BAALC: variants seen among roughly 807,000 people sequenced by gnomAD.
BAALC encodes BAALC binder of MAP3K1 and KLF4.
A neutral mutation model predicts 15.5 loss-of-function variants in BAALC; 9 were observed. The observed-to-expected ratio is 0.58, with a 90% confidence interval of 0.35 to 1.02. The LOEUF is 1.02. Ranked by LOEUF, BAALC falls within the 50% of genes least tolerant of loss-of-function variation. The pLI is 0.02. For synonymous variants in BAALC, 80 were observed against 74.6 expected (o/e 1.07, Z -0.37); for missense variants, 201 against 192.4 (o/e 1.04, Z -0.27).
intron 1 of BAALC, chr8:103,202,857 AG>A (rs1172929644): frequency 4.6e-5 from 7 of 152,292 alleles, no homozygotes; most frequent in Non-Finnish European, 8.8e-5. Context: ...GTTTCAAGGA[AG>A]GGAGGCACCT....
rs1007990813 is a variant in BAALC at position 103,228,308 on chromosome 8, A to G, written c.*209A>G. ...ACTTATCATGTAAATGTATTGGCAC[A>G]GTGCTTACATATGTTAATAAACTGC... On this transcript the variant is annotated 3_prime_UTR_variant, in exon 3 of 3. Transcript: ENST00000309982. The G allele has an allele frequency of 2.3e-5, 12 of 528,102 alleles. No homozygotes were observed. Among genetic ancestry groups the G allele is most frequent in the Non-Finnish European group, 3.0e-5 (9 of 297,516 alleles). The allele number at this position is 528,102 out of a possible 1,614,324, so 32.7% of individuals were successfully genotyped here.
intron 2 of BAALC, 169 bp downstream of exon 2, chr8:103,213,254 A>G: frequency 1.5e-6 from 1 of 679,908 alleles, no homozygotes; most frequent in South Asian, 2.5e-5. Flanking sequence ...CCCCACCCCA[A>G]AACCCTGCCT....
chr8:103,182,684 C>T (rs867009373), intron 1 of BAALC, among the ~76,000 whole-genome samples: 9 of 152,170 alleles, frequency 5.9e-5, no homozygotes, highest in Non-Finnish European at 1.2e-4. Context: ...ATCAAGAAGG[C>T]GCTAACTGAC....
intron 1 of BAALC, among the ~76,000 whole-genome samples, chr8:103,175,887 T>G (rs747176360): frequency 6.6e-6 from 1 of 152,204 alleles, no homozygotes; most frequent in African/African-American, 2.4e-5. Context: ...CTCAATTAAT[T>G]TGTAGAACAG....
At chr8:103,202,875 G>C (rs937888211) in intron 1 of BAALC, 2 of 152,300 alleles carry the variant, frequency 1.3e-5, no homozygotes, top group African/African-American at 4.8e-5. Flanking sequence ...ACCTCTGAGA[G>C]GAGCAAAGGG....
intron 1 of BAALC, among the ~76,000 whole-genome samples, chr8:103,183,896 A>C (rs1811780092): frequency 6.6e-6 from 1 of 152,232 alleles, no homozygotes; most frequent in Non-Finnish European, 1.5e-5. Flanking sequence ...TTGCTACTGC[A>C]ACAAGCTACC....
intron 1 of BAALC, among the ~76,000 whole-genome samples, chr8:103,147,141 C>T (rs1274001447): frequency 6.6e-6 from 1 of 152,210 alleles, no homozygotes; most frequent in Non-Finnish European, 1.5e-5. Context: ...TAACCTCTTT[C>T]CTGAGTCTCA....
rs891450385 is a variant in BAALC at position 103,166,511 on chromosome 8, C to T, written c.160+25454C>T. The stretch of plus-strand genomic sequence containing the variant: ...AGACAACGGGCCTGAGGGCAGAAAC[C>T]GTTTTGTTTTTTTGTTTTTGGAATG... On this transcript the variant is annotated intron_variant, in intron 1 of 2. Transcript: ENST00000309982. 3.3e-5 allele frequency among the ~76,000 whole-genome samples: 5 copies of T among 152,118 alleles called. No homozygotes were observed. The East Asian group carries it at 7.7e-4, about 23-fold the overall frequency.
At position 103,140,960 on chromosome 8, in the gene BAALC, G is replaced by A. The variant is rs1810756760; in HGVS notation, c.63G>A (p.Arg21=). The change falls in exon 1 of 3, where the codon CGG becomes CGA. Residue 21 remains arginine (R), a synonymous_variant. Coordinates refer to ENST00000309982, the MANE Select transcript of BAALC (RefSeq NM_024812.3). The surrounding 1 kb of genome is among the most constrained non-coding windows in gnomAD (Gnocchi z 4.2). ...CCCGCTACTACGAGAGCTGGACCCG[G>A]GAGACAGAATCCACCTGGCTCACCT... ...IEPRYYESWT[R]ETESTWLTYT... The A allele has an allele frequency of 6.5e-7, 1 of 1,541,850 alleles. No homozygotes were observed. Among genetic ancestry groups the A allele is most frequent in the Non-Finnish European group, 8.7e-7 (1 of 1,145,250 alleles).
At chr8:103,153,744 G>A (rs577068481) in intron 1 of BAALC, among the ~76,000 whole-genome samples, 5 of 152,294 alleles carry the variant, frequency 3.3e-5, no homozygotes, top group Admixed American at 6.5e-5. Flanking sequence ...GAAGCAGCTC[G>A]CAGCCAACTG....
At chr8:103,194,016 C>T (rs987937613) in intron 1 of BAALC, among the ~76,000 whole-genome samples, 2 of 152,202 alleles carry the variant, frequency 1.3e-5, no homozygotes, top group Non-Finnish European at 2.9e-5. Flanking sequence ...CAGCTCAAAT[C>T]CTGCTTTGTC....
intron 1 of BAALC, among the ~76,000 whole-genome samples, chr8:103,188,236 C>T (rs1811889014): frequency 6.6e-6 from 1 of 152,102 alleles, no homozygotes; most frequent in Non-Finnish European, 1.5e-5. Flanking sequence ...CTCACAGCTC[C>T]CAGATTCAAG....
At chr8:103,227,174 T>C (rs952940624) in intron 2 of BAALC, among the ~76,000 whole-genome samples, 3 of 152,188 alleles carry the variant, frequency 2.0e-5, no homozygotes, top group African/African-American at 7.2e-5. Flanking sequence ...TGACTGTGTG[T>C]GTGCGTGTAT....
chr8:103,169,061 C>T, intron 1 of BAALC, among the ~76,000 whole-genome samples: 1 of 152,006 alleles, frequency 6.6e-6, no homozygotes, highest in Non-Finnish European at 1.5e-5. Flanking sequence ...AAAAAAATCT[C>T]ATAGCCTTCA....
Position 103,228,557 on chromosome 8 carries a change from A to ATCTT in BAALC, c.*459_*462dup, listed in dbSNP as rs1184049710. The ATCTT allele has an allele frequency of 2.0e-5, 3 of 153,078 alleles. No homozygotes were observed. The highest frequency in any genetic ancestry group is 4.4e-5 in the Non-Finnish European group (3 of 68,616). The allele number at this position is 153,078 out of a possible 1,614,324, so 9.5% of individuals were successfully genotyped here. ...TTCATTTTAAATATTGTCATTACAA[A>ATCTT]TCTTACCAGGTTCACTTAAAAGCTG... On this transcript the variant is annotated 3_prime_UTR_variant, in exon 3 of 3. Coordinates refer to ENST00000309982, the MANE Select transcript of BAALC (RefSeq NM_024812.3).
chr8:103,179,595 G>A (rs1235873017), intron 1 of BAALC, among the ~76,000 whole-genome samples: 2 of 152,196 alleles, frequency 1.3e-5, no homozygotes, highest in Non-Finnish European at 2.9e-5. Flanking sequence ...GAGATGGCTC[G>A]GCTAAAGTCA....
rs749682000 is a variant in BAALC, at chr8:103,212,913, C to T, written c.161-6C>T. 6.2e-7 allele frequency: 1 copy of T among 1,611,254 alleles called. No individual in the cohort carries two copies. Among genetic ancestry groups the T allele is most frequent in the Non-Finnish European group, 8.5e-7 (1 of 1,178,210 alleles). ...TCTGGTTCCATCCTCTGCTTACCTCCCCCAGGCATGCTGGAAGATGGACTG... is the reference window on the plus strand; with the variant it reads ...TCTGGTTCCATCCTCTGCTTACCTCTCCCAGGCATGCTGGAAGATGGACTG... On this transcript the variant is annotated splice_polypyrimidine_tract_variant and splice_region_variant and intron_variant, in intron 1 of 2. Transcript: ENST00000309982.
Position 103,229,828 on chromosome 8 carries a change from G to A in BAALC, c.*1729G>A, listed in dbSNP as rs1026054759. 6.6e-6 allele frequency: 1 copy of A among 152,112 alleles called. No homozygotes were observed. The highest frequency in any genetic ancestry group is 1.5e-5 in the Non-Finnish European group (1 of 68,016). 9.4% of individuals were successfully genotyped at this position (152,112 alleles called of 1,614,324 possible). On this transcript the variant is annotated 3_prime_UTR_variant, in exon 3 of 3. Coordinates refer to ENST00000309982, the MANE Select transcript of BAALC (RefSeq NM_024812.3). ...GAGAAAGGGCTTTTAGGAACTTTAT[G>A]TTCTAAAAAATGTTTTTAACAATAA...
intron 1 of BAALC, among the ~76,000 whole-genome samples, chr8:103,149,329 T>C (rs745871601): frequency 1.3e-5 from 2 of 152,158 alleles, no homozygotes; most frequent in Non-Finnish European, 2.9e-5. Flanking sequence ...TCCATCTCCA[T>C]AGAAAGGGTT....
Sources: allele counts gnomAD v4.1 joint callset (sites outside exome capture counted in the v4.1 genomes callset), GRCh38; gene constraint gnomAD v4.1.1; non-coding constraint Gnocchi (gnomAD v3.1); transcripts MANE v1.5; gene names NCBI Gene and HGNC (gene_info 2026-07-23, HGNC 2026-07-21).